UMAD1: variants seen among roughly 807,000 people sequenced by gnomAD.
UMAD1 encodes the protein UBAP1-MVB12-associated (UMA) domain containing 1.
UMAD1 carries 8 observed loss-of-function variants against 6.1 expected under a neutral mutation model. The observed-to-expected ratio is 1.30, with a 90% CI of 0.76 to 2.35. UMAD1 has a LOEUF of 2.35. Among genes scored for constraint, UMAD1 ranks in the 30% most tolerant of loss-of-function variants. The pLI is 0.00. For missense variants in UMAD1, 130 were observed against 78.4 expected (o/e 1.66, Z -2.49); for synonymous variants, 56 against 31.4 (o/e 1.78, Z -2.61).
At chr7:7,703,529 T>A (rs1291477062) in intron 2 of UMAD1, among the ~76,000 whole-genome samples, 1 of 152,226 alleles carries the variant, frequency 6.6e-6, no homozygotes, top group Non-Finnish European at 1.5e-5. Context: ...GTAACCTATA[T>A]TGAATCCCAG....
intron 2 of UMAD1, among the ~76,000 whole-genome samples, chr7:7,686,259 T>G (rs1367248020): frequency 6.6e-6 from 1 of 152,174 alleles, no homozygotes; most frequent in Non-Finnish European, 1.5e-5. Context: ...TATTCTTGGC[T>G]GAATAGAGAG....
chr7:7,758,093 G>A (rs1781813870), intron 2 of UMAD1, among the ~76,000 whole-genome samples: 1 of 151,892 alleles, frequency 6.6e-6, no homozygotes, highest in Non-Finnish European at 1.5e-5. Context: ...TTTTTAATTA[G>A]AGACAGGGTT....
intron 2 of UMAD1, among the ~76,000 whole-genome samples, chr7:7,768,157 G>A (rs1034738420): frequency 1.3e-5 from 2 of 151,862 alleles, no homozygotes; most frequent in African/African-American, 4.8e-5. Flanking sequence ...GTTTTTATAT[G>A]CCCAATACCC....
chr7:7,790,054 A>C (rs1475152388), intron 2 of UMAD1, among the ~76,000 whole-genome samples: 1 of 152,236 alleles, frequency 6.6e-6, no homozygotes, highest in Non-Finnish European at 1.5e-5. Flanking sequence ...AGGAGGCGAT[A>C]GTGACTGTAA....
intron 3 of UMAD1, among the ~76,000 whole-genome samples, chr7:7,858,509 A>G (rs1448146149): frequency 6.6e-6 from 1 of 152,234 alleles, no homozygotes; most frequent in Non-Finnish European, 1.5e-5. Context: ...TTGAAACCAT[A>G]GCAATGATTT....
At chr7:7,658,192 A>G (rs1583701536) in intron 1 of UMAD1, among the ~76,000 whole-genome samples, 1 of 152,228 alleles carries the variant, frequency 6.6e-6, no homozygotes, top group East Asian at 1.9e-4. Context: ...GTTGCTTATC[A>G]GCTTAAGGAG....
intron 3 of UMAD1, among the ~76,000 whole-genome samples, chr7:7,813,312 C>G (rs960774857): frequency 8.5e-5 from 13 of 152,146 alleles, no homozygotes; most frequent in Middle Eastern, 3.2e-3. Context: ...TCAGGCGATT[C>G]TCCTGCCTCA....
rs1416454846 is a variant in UMAD1 at position 7,678,812 on chromosome 7, A to G, written c.82+5359A>G. ...ATATTTAGTTTATAAATATATTTAT[A>G]TATTTAGTTTATAAACATATATTTA... On this transcript the variant is annotated intron_variant, in intron 2 of 3. Transcript: ENST00000682710. 4.5e-4 allele frequency among the ~76,000 whole-genome samples: 16 copies of G among 35,754 alleles called. 1 individual carries two copies. The highest frequency in any genetic ancestry group is 1.9e-3 in the African/African-American group (12 of 6,364). The allele number at this position is 35,754 out of a possible 152,430, so 23.5% of individuals were successfully genotyped here.
intron 3 of UMAD1, among the ~76,000 whole-genome samples, chr7:7,801,966 A>G (rs751701651): frequency 3.3e-5 from 5 of 152,140 alleles, no homozygotes; most frequent in Non-Finnish European, 4.4e-5. Flanking sequence ...TGTTAAAAAC[A>G]AAACAAAACA....
chr7:7,839,600 A>G (rs572550776), intron 3 of UMAD1, among the ~76,000 whole-genome samples: 2 of 152,288 alleles, frequency 1.3e-5, no homozygotes, highest in Admixed American at 6.5e-5. Context: ...AGGACTTACA[A>G]TAGCATGTTC....
rs144977094 is a variant in UMAD1 at position 7,795,738 on chromosome 7, T to C, written c.83-5932T>C. ...TAACTTCTGGATGTTGTGTAAACAG[T>C]CATGACGTTGGTGGGAGTATTGTTT... is the stretch of plus-strand genomic sequence containing the variant. On this transcript the variant is annotated intron_variant, in intron 2 of 3. Transcript: ENST00000682710. Among the ~76,000 whole-genome samples the C allele has an allele frequency of 2.8e-3, 424 of 152,324 alleles. 2 individuals are homozygous for C. The highest frequency in any genetic ancestry group is 9.9e-3 in the African/African-American group (413 of 41,558).
intron 2 of UMAD1, among the ~76,000 whole-genome samples, chr7:7,751,440 A>C (rs1282591030): frequency 6.6e-6 from 1 of 152,246 alleles, no homozygotes; most frequent in Admixed American, 6.5e-5. Context: ...GTTAACTAAG[A>C]TTTCAACCTG....
chr7:7,732,068 C>T (rs1007069300), intron 2 of UMAD1, among the ~76,000 whole-genome samples: 1 of 151,934 alleles, frequency 6.6e-6, no homozygotes, highest in East Asian at 1.9e-4. Flanking sequence ...GATATTCTTA[C>T]ATCTTCTGCT....
At chr7:7,778,695 T>C (rs1782277668) in intron 2 of UMAD1, among the ~76,000 whole-genome samples, 1 of 152,122 alleles carries the variant, frequency 6.6e-6, no homozygotes, top group Admixed American at 6.5e-5. Context: ...GGATTTTAGG[T>C]GTGAGCCACC....
At chr7:7,839,692 C>T (rs1783640239) in intron 3 of UMAD1, among the ~76,000 whole-genome samples, 1 of 152,144 alleles carries the variant, frequency 6.6e-6, no homozygotes, top group South Asian at 2.1e-4. Context: ...GAACAAAGTT[C>T]TTAAGAAGCA....
At chr7:7,663,451 A>G (rs1019364068) in intron 1 of UMAD1, among the ~76,000 whole-genome samples, 1 of 152,104 alleles carries the variant, frequency 6.6e-6, no homozygotes, top group Non-Finnish European at 1.5e-5. Flanking sequence ...AGGCATCTGT[A>G]CCTCTTCCCC....
At chr7:7,670,353 C>G (rs1439651739) in intron 1 of UMAD1, among the ~76,000 whole-genome samples, 1 of 151,962 alleles carries the variant, frequency 6.6e-6, no homozygotes, top group Non-Finnish European at 1.5e-5. Context: ...AAGGGTCTCT[C>G]TATATATACA....
At chr7:7,767,941 G>A (rs976183059) in intron 2 of UMAD1, among the ~76,000 whole-genome samples, 2 of 152,124 alleles carry the variant, frequency 1.3e-5, no homozygotes, top group African/African-American at 4.8e-5. Flanking sequence ...TTTCAGATAT[G>A]TAAATATTAA....
intron 3 of UMAD1, among the ~76,000 whole-genome samples, chr7:7,842,840 G>C (rs535912332): frequency 4.6e-5 from 7 of 152,056 alleles, no homozygotes; most frequent in Admixed American, 4.6e-4. Context: ...TGGTACTCAG[G>C]GAGGAAGACA....
Sources: allele counts gnomAD v4.1 joint callset (sites outside exome capture counted in the v4.1 genomes callset), GRCh38; gene constraint gnomAD v4.1.1; transcripts MANE v1.5; gene names NCBI Gene and HGNC (gene_info 2026-07-23, HGNC 2026-07-21).